The following FBN2 variants were observed in gnomAD, a reference collection of about 807,000 sequenced individuals.
The protein encoded by FBN2 is fibrillin 2.
A neutral mutation model predicts 355.6 loss-of-function variants in FBN2; 105 were observed. The observed-to-expected ratio is 0.30, with a 90% CI of 0.25 to 0.35. FBN2 has a LOEUF of 0.35. Ranked by LOEUF, FBN2 falls within the 10% of genes least tolerant of loss-of-function variation. The pLI is 1.00. For missense variants in FBN2, 3,280 were observed against 3,758.7 expected (o/e 0.87, Z 3.33); for synonymous variants, 1,350 against 1,301.2 (o/e 1.04, Z -0.81).
chr5:128,434,380 A>G lies in FBN2; in HGVS notation c.952+12101T>C, dbSNP rs545757783. On this transcript the variant is annotated intron_variant, in intron 7 of 64. Coordinates refer to ENST00000262464, the MANE Select transcript of FBN2 (RefSeq NM_001999.4). ...CTGCATACATTTTTCAATGCCTGGC[A>G]GTGAATAAAGTGTGTATATATATAT... is the stretch of plus-strand genomic sequence containing the variant. Among the ~76,000 whole-genome samples, 8 of 131,902 alleles carry G rather than the reference A, an allele frequency of 6.1e-5. 1 individual carries two copies. The highest frequency in any genetic ancestry group is 2.3e-4 in the African/African-American group (8 of 34,406). 86.5% of individuals were successfully genotyped at this position (131,902 alleles called of 152,430 possible). A position where few individuals can be genotyped will look rare whatever the true frequency, so the allele number is the denominator to read the frequency against.
rs192310057 is a variant in FBN2 at position 128,328,575 on chromosome 5, T to A, written c.4471+121A>T. ...ATAATCCACGCTTAAACGAATGACT[T>A]TTATAGTGCAGCATGTGCTATGTAT... On this transcript the variant is annotated intron_variant, in intron 34 of 64. Transcript: ENST00000262464. 10 of 1,036,620 alleles carry A rather than the reference T, an allele frequency of 9.6e-6. No homozygotes were observed. In the African/African-American group the frequency reaches 1.6e-4, roughly 16 times the overall value. The allele number at this position is 1,036,620 out of a possible 1,614,324, so 64.2% of individuals were successfully genotyped here. A position where few individuals can be genotyped will look rare whatever the true frequency, so the allele number is the denominator to read the frequency against.
rs1561763442 is a variant in FBN2, at chr5:128,310,385, TATATATATATATA to T, written c.5075-290_5075-278del. Among the ~76,000 whole-genome samples the T allele has an allele frequency of 5.0e-3, 67 of 13,484 alleles. 3 individuals are homozygous for T. The highest frequency in any genetic ancestry group is 0.042 in the Middle Eastern group (1 of 24). The allele number at this position is 13,484 out of a possible 152,430, so 8.8% of individuals were successfully genotyped here. ...TGGCACATATATATATATATATATA[TATATATATATATA>T]TATATTTTTTTTTTTTTTTTTTTAT... On this transcript the variant is annotated intron_variant, in intron 39 of 64. Transcript: ENST00000262464.
chr5:128,415,226 T>C (rs1027571559), intron 7 of FBN2, among the ~76,000 whole-genome samples: 1 of 152,206 alleles, frequency 6.6e-6, no homozygotes, highest in Non-Finnish European at 1.5e-5. Context: ...TCCTCTCTTC[T>C]AGTTATTTTG....
chr5:128,457,110 G>A (rs1445426464), intron 6 of FBN2, among the ~76,000 whole-genome samples: 3 of 152,112 alleles, frequency 2.0e-5, no homozygotes, highest in Non-Finnish European at 2.9e-5. Flanking sequence ...GAACATAAAC[G>A]ACCTAAGGGA....
At chr5:128,530,049 C>T (rs990521212) in intron 3 of FBN2, among the ~76,000 whole-genome samples, 1 of 152,152 alleles carries the variant, frequency 6.6e-6, no homozygotes, top group Non-Finnish European at 1.5e-5. Flanking sequence ...AATAAACAAT[C>T]TTGCTTCTGC....
At chr5:128,462,157 C>A (rs1470574316) in intron 6 of FBN2, among the ~76,000 whole-genome samples, 5 of 152,008 alleles carry the variant, frequency 3.3e-5, no homozygotes, top group Non-Finnish European at 7.4e-5. Flanking sequence ...TCAAAAGAAC[C>A]ATGATTTAGA....
intron 6 of FBN2, among the ~76,000 whole-genome samples, chr5:128,451,202 C>T (rs1402345244): frequency 6.6e-6 from 1 of 152,006 alleles, no homozygotes; most frequent in Admixed American, 6.6e-5. Flanking sequence ...TTATTTCTTC[C>T]TCCTATTAGC....
intron 1 of FBN2, 124 bp downstream of exon 1, chr5:128,537,226 G>C (rs1581379924): frequency 1.4e-6 from 2 of 1,451,402 alleles, no homozygotes; most frequent in Admixed American, 2.3e-5. Context: ...TTCTGGCAAA[G>C]GGGGCTGCAG....
intron 7 of FBN2, among the ~76,000 whole-genome samples, chr5:128,426,604 T>C (rs1177153167): frequency 6.6e-6 from 1 of 152,160 alleles, no homozygotes; most frequent in South Asian, 2.1e-4. Context: ...CCCCTTCAGA[T>C]AAATAAAATG....
At chr5:128,286,655 G>A in intron 55 of FBN2, 63 bp downstream of exon 55, 14 of 1,586,252 alleles carry the variant, frequency 8.8e-6, no homozygotes, top group Non-Finnish European at 1.2e-5. Flanking sequence ...TGTGGGAGTA[G>A]TGCCATTAAT....
At chr5:128,395,951 T>C (rs1752639330) in intron 8 of FBN2, among the ~76,000 whole-genome samples, 1 of 151,978 alleles carries the variant, frequency 6.6e-6, no homozygotes, top group Non-Finnish European at 1.5e-5. Flanking sequence ...GAGAAGACAA[T>C]GGTTTACATT....
intron 5 of FBN2, among the ~76,000 whole-genome samples, chr5:128,473,518 C>A (rs538531553): frequency 6.6e-6 from 1 of 152,266 alleles, no homozygotes; most frequent in African/African-American, 2.4e-5. Flanking sequence ...GAGCTAAAGA[C>A]AAGTGAAAGT....
rs371162767 is a variant in FBN2 at position 128,537,413 on chromosome 5, C to A, written c.191G>T (p.Arg64Leu). The change falls in exon 1 of 65, where the codon CGC (arginine) becomes CTC (leucine). Residue 64 changes from arginine to leucine, a missense_variant. Arg to Leu is a moderately radical substitution (Grantham distance 102, BLOSUM62 -2). Transcript: ENST00000262464. ...SEGGFLAPEY[R>L]EEGAAVASRV... ...GCTGGCCACTGCGGCACCCTCCTCGCGATACTCGGGCGCTAGAAACCCGCC... is the reference window on the plus strand; with the variant it reads ...GCTGGCCACTGCGGCACCCTCCTCGAGATACTCGGGCGCTAGAAACCCGCC... The A allele has an allele frequency of 6.2e-7, 1 of 1,609,976 alleles. No homozygotes were observed. Among genetic ancestry groups the A allele is most frequent in the African/African-American group, 1.3e-5 (1 of 74,912 alleles).
intron 7 of FBN2, among the ~76,000 whole-genome samples, chr5:128,444,745 T>C (rs1754022549): frequency 6.6e-6 from 1 of 152,230 alleles, no homozygotes; most frequent in Non-Finnish European, 1.5e-5. Context: ...TGGCTCTGTA[T>C]GCTGCTTTGA....
At chr5:128,491,281 A>G (rs1263833157) in intron 5 of FBN2, among the ~76,000 whole-genome samples, 4 of 152,248 alleles carry the variant, frequency 2.6e-5, no homozygotes, top group Non-Finnish European at 5.9e-5. Context: ...TTTCAAAAGT[A>G]TAATTAGGAT....
At position 128,452,269 on chromosome 5, in the gene FBN2, T is replaced by C. The variant is rs556856111; in HGVS notation, c.827-5663A>G. 5.9e-5 allele frequency among the ~76,000 whole-genome samples: 9 copies of C among 152,280 alleles called. No homozygotes were observed. In the South Asian group the frequency reaches 1.9e-3, roughly 32 times the overall value. On this transcript the variant is annotated intron_variant, in intron 6 of 64. Coordinates refer to ENST00000262464, the MANE Select transcript of FBN2 (RefSeq NM_001999.4). Reference sequence around the variant, plus strand: ...ACAGATGTTATCTTTGCTCATTCCTTCAATTCAGGCAAAAACTTACTATTT... The same window carrying C: ...ACAGATGTTATCTTTGCTCATTCCTCCAATTCAGGCAAAAACTTACTATTT...
intron 5 of FBN2, among the ~76,000 whole-genome samples, chr5:128,486,879 C>G (rs1162936571): frequency 6.6e-6 from 1 of 151,960 alleles, no homozygotes; most frequent in Non-Finnish European, 1.5e-5. Flanking sequence ...GGTTTTCTGT[C>G]CTTGTGATAG....
intron 55 of FBN2, among the ~76,000 whole-genome samples, chr5:128,286,402 G>C (rs1050484561): frequency 2.6e-5 from 4 of 151,966 alleles, no homozygotes; most frequent in Admixed American, 6.6e-5. Context: ...ATGAATTAGG[G>C]TTTACCTTTT....
intron 59 of FBN2, among the ~76,000 whole-genome samples, 190 bp downstream of exon 59, chr5:128,275,848 G>C (rs746161051): frequency 7.2e-5 from 11 of 152,036 alleles, no homozygotes; most frequent in Non-Finnish European, 1.6e-4. Context: ...GTTTTAACTT[G>C]GGTTTTAATC....
Sources: allele counts gnomAD v4.1 joint callset (sites outside exome capture counted in the v4.1 genomes callset), GRCh38; gene constraint gnomAD v4.1.1; transcripts MANE v1.5; gene names NCBI Gene and HGNC (gene_info 2026-07-23, HGNC 2026-07-21).